Variants in PML observed in about 807,000 individuals in gnomAD.
PML encodes PML nuclear body scaffold, also known as protein PML.
Under a neutral mutation model 65.2 loss-of-function variants are expected in PML, and 28 were observed. The observed-to-expected ratio is 0.43, with a 90% CI of 0.32 to 0.59. PML has a LOEUF of 0.59. Ranked by LOEUF, PML falls within the 20% of genes least tolerant of loss-of-function variation. The probability of loss-of-function intolerance (pLI) is 0.08; values close to 1 mark genes in which losing one functional copy is unlikely to be tolerated. For synonymous variants in PML, 500 were observed against 508.8 expected (o/e 0.98, Z 0.23); for missense variants, 1,021 against 1,203.4 (o/e 0.85, Z 2.24).
chr15:74,039,521 T>G (rs1057243649), intron 7 of PML, among the ~76,000 whole-genome samples: 1 of 152,234 alleles, frequency 6.6e-6, no homozygotes, highest in Non-Finnish European at 1.5e-5. Flanking sequence ...GGCTGGATGC[T>G]GACTATCAGA....
chr15:74,002,130 T>C (rs568093143), intron 2 of PML, among the ~76,000 whole-genome samples: 260 of 152,290 alleles, frequency 1.7e-3, no homozygotes, highest in Non-Finnish European at 2.8e-3. Flanking sequence ...GATGGTGCGA[T>C]TTCATACTTG....
intron 2 of PML, among the ~76,000 whole-genome samples, chr15:74,016,774 T>C (rs951726308): frequency 1.4e-5 from 2 of 146,468 alleles, no homozygotes; most frequent in Admixed American, 6.8e-5. Context: ...CAGTTTTGAA[T>C]TTTTTAGGCA....
chr15:74,043,792 G>A lies in PML; in HGVS notation c.1862-429G>A. Reference sequence around the variant, plus strand: ...GGCTCTTGGCCTTGCTCTGAGTGGAGTGCTTTCTATGTCCCAGGGCTCTGA... The same window carrying A: ...GGCTCTTGGCCTTGCTCTGAGTGGAATGCTTTCTATGTCCCAGGGCTCTGA... On this transcript the variant is annotated intron_variant, in intron 8 of 8. Coordinates refer to ENST00000268058, the MANE Select transcript of PML (RefSeq NM_033238.3). The surrounding 1 kb of genome is among the most constrained non-coding windows in gnomAD (Gnocchi z 4.3). 1 of 534,356 alleles carries A rather than the reference G, an allele frequency of 1.9e-6. No individual in the cohort carries two copies. Among genetic ancestry groups the A allele is most frequent in the Non-Finnish European group, 3.7e-6 (1 of 270,768 alleles). The allele number at this position is 534,356 out of a possible 1,614,324, so 33.1% of individuals were successfully genotyped here. A position where few individuals can be genotyped will look rare whatever the true frequency, so the allele number is the denominator to read the frequency against.
chr15:74,034,898 G>A, intron 7 of PML: 1 of 1,439,300 alleles, frequency 6.9e-7, no homozygotes, highest in South Asian at 1.5e-5. Context: ...TACAGCCAGT[G>A]GGGGCCAGTG....
At chr15:74,038,013 C>T (rs999098099) in intron 7 of PML, among the ~76,000 whole-genome samples, 5 of 152,152 alleles carry the variant, frequency 3.3e-5, no homozygotes, top group African/African-American at 1.2e-4. Context: ...ACTCTCTGCC[C>T]GGTTGCACAA....
Position 74,037,161 on chromosome 15 carries a change from T to C in PML, c.1710+2631T>C. 4 of 985,458 alleles carry C rather than the reference T, an allele frequency of 4.1e-6. No homozygotes were observed. Among genetic ancestry groups the C allele is most frequent in the Non-Finnish European group, 4.8e-6 (4 of 829,932 alleles). The allele number at this position is 985,458 out of a possible 1,614,324, so 61.0% of individuals were successfully genotyped here. A position where few individuals can be genotyped will look rare whatever the true frequency, so the allele number is the denominator to read the frequency against. ...CTCCGCCCAGCATGTCCTTTTGCTC[T>C]GCAGGGCAGCCCCCGCCTGCCTTTC... is the stretch of plus-strand genomic sequence containing the variant. On this transcript the variant is annotated intron_variant, in intron 7 of 8. Coordinates refer to ENST00000268058, the MANE Select transcript of PML (RefSeq NM_033238.3). The surrounding 1 kb of genome is among the most constrained non-coding windows in gnomAD (Gnocchi z 4.2).
Position 74,033,295 on chromosome 15 carries a change from C to G in PML, c.1538C>G (p.Thr513Ser). The G allele has an allele frequency of 6.2e-7, 1 of 1,614,228 alleles. No homozygotes were observed. Among genetic ancestry groups the G allele is most frequent in the South Asian group, 1.1e-5 (1 of 91,092 alleles). Residue 513 changes from threonine (T) to serine (S), a missense_variant, in exon 6 of 9, where the codon ACC becomes AGC. Transcript: ENST00000268058. ...TCCCCGGAGCAGCCCAGGCCCAGCACCTCCAAGGCAGTCTCACCACCCCAC... is the reference window on the plus strand; with the variant it reads ...TCCCCGGAGCAGCCCAGGCCCAGCAGCTCCAAGGCAGTCTCACCACCCCAC... ...RSSPEQPRPS[T>S]SKAVSPPHLD...
rs1472546495 is a variant in PML at position 74,035,184 on chromosome 15, A to G, written c.1710+654A>G. ...CTGTATTGGAAAGTGCATGGAGCCC[A>G]TGGAGACCGCCGAGCCACAGTCCTC... On this transcript the variant is annotated intron_variant, in intron 7 of 8. Coordinates refer to ENST00000268058, the MANE Select transcript of PML (RefSeq NM_033238.3). This position sits in a 1 kb window ranked among gnomAD's most constrained non-coding sequence, Gnocchi z 4.1. The G allele has an allele frequency of 1.5e-6, 2 of 1,352,470 alleles. No homozygotes were observed. The highest frequency in any genetic ancestry group is 2.3e-5 in the East Asian group (1 of 43,584). The allele number at this position is 1,352,470 out of a possible 1,614,324, so 83.8% of individuals were successfully genotyped here.
At chr15:74,012,299 C>A (rs2070371002) in intron 2 of PML, among the ~76,000 whole-genome samples, 1 of 152,176 alleles carries the variant, frequency 6.6e-6, no homozygotes, top group Admixed American at 6.5e-5. Context: ...CCTCAGCATC[C>A]CGAGTAGCTG....
At position 74,032,562 on chromosome 15, in the gene PML, A is replaced by G; in HGVS notation, c.1255-10A>G. The G allele has an allele frequency of 3.1e-6, 5 of 1,613,940 alleles. No homozygotes were observed. The highest frequency in any genetic ancestry group is 4.2e-6 in the Non-Finnish European group (5 of 1,179,934). On this transcript the variant is annotated splice_polypyrimidine_tract_variant and intron_variant, in intron 4 of 8. Coordinates refer to ENST00000268058, the MANE Select transcript of PML (RefSeq NM_033238.3). Reference sequence around the variant, plus strand: ...TAGTCATTTCTGACTCAATTTTCCCAACTTTGCAGCCCGAGGAGGCAGAGA... The same window carrying G: ...TAGTCATTTCTGACTCAATTTTCCCGACTTTGCAGCCCGAGGAGGCAGAGA...
rs1014389886 is a variant in PML, at chr15:74,043,584, C to G, written c.1861+445C>G. ...ATCCAAGGTCACAGAGGGATCAGAC[C>G]CCTTATCCTGGAAGCCCCTCTACTT... is the stretch of plus-strand genomic sequence containing the variant. On this transcript the variant is annotated intron_variant, in intron 8 of 8. Coordinates refer to ENST00000268058, the MANE Select transcript of PML (RefSeq NM_033238.3). This position sits in a 1 kb window ranked among gnomAD's most constrained non-coding sequence, Gnocchi z 4.3. Among the ~76,000 whole-genome samples, 2 of 152,232 alleles carry G rather than the reference C, an allele frequency of 1.3e-5. No homozygotes were observed. The highest frequency in any genetic ancestry group is 1.3e-4 in the Admixed American group (2 of 15,282).
rs751842032 is a variant in PML, at chr15:74,044,427, G to A, written c.2068G>A (p.Ala690Thr). The A allele has an allele frequency of 2.9e-5, 47 of 1,614,072 alleles. No homozygotes were observed. Among genetic ancestry groups the A allele is most frequent in the Non-Finnish European group, 5.9e-6 (7 of 1,180,040 alleles). Residue 690 changes from alanine (A) to threonine (T), a missense_variant, in exon 9 of 9, where the codon GCC becomes ACC. Ala to Thr is a moderately conservative substitution (Grantham distance 58). Coordinates refer to ENST00000268058, the MANE Select transcript of PML (RefSeq NM_033238.3). ...GCCTGGCCTCCCAAACTTCTTCCGGGCCCTGGAGGACATTAACAGGCTGTG... is the reference window on the plus strand; with the variant it reads ...GCCTGGCCTCCCAAACTTCTTCCGGACCCTGGAGGACATTAACAGGCTGTG... ...WGPGLPNFFR[A>T]LEDINRLWEF... is the part of the protein sequence containing the mutation.
chr15:74,013,655 A>G (rs2141790651), intron 2 of PML, among the ~76,000 whole-genome samples: 1 of 152,312 alleles, frequency 6.6e-6, no homozygotes, highest in South Asian at 2.1e-4. Flanking sequence ...TTCTCACCAT[A>G]TGTTACTCAA....
chr15:74,037,087 CT>C lies in PML; in HGVS notation c.1710+2558del, dbSNP rs1409284917. On this transcript the variant is annotated intron_variant, in intron 7 of 8. Coordinates refer to ENST00000268058, the MANE Select transcript of PML (RefSeq NM_033238.3). This position sits in a 1 kb window ranked among gnomAD's most constrained non-coding sequence, Gnocchi z 4.2. ...AGACCGAGATCTGCAGGAGAAAGGCCTGGGAAAACTATGAGTGGTTGCCTGT... is the reference window on the plus strand; with the variant it reads ...AGACCGAGATCTGCAGGAGAAAGGCCGGGAAAACTATGAGTGGTTGCCTGT... 2 of 985,328 alleles carry C rather than the reference CT, an allele frequency of 2.0e-6. No individual in the cohort carries two copies. The highest frequency in any genetic ancestry group is 3.5e-5 in the African/African-American group (2 of 57,244). 61.0% of individuals were successfully genotyped at this position (985,328 alleles called of 1,614,324 possible).
At position 74,044,968 on chromosome 15, in the gene PML, C is replaced by T; in HGVS notation, c.2609C>T (p.Ala870Val). 6.2e-7 allele frequency: 1 copy of T among 1,609,762 alleles called. No individual in the cohort carries two copies. The highest frequency in any genetic ancestry group is 8.5e-7 in the Non-Finnish European group (1 of 1,178,656). Residue 870 changes from alanine to valine, a missense_variant, in exon 9 of 9, where the codon GCT (alanine) becomes GTT (valine). Coordinates refer to ENST00000268058, the MANE Select transcript of PML (RefSeq NM_033238.3). ...GCAGAAGGAGTCTCCACCCCACTTG[C>T]TGGCCGTGGCTTGGCAGAGAGGGCC... is the stretch of plus-strand genomic sequence containing the variant. The part of the protein sequence containing the change: ...ARAEGVSTPL[A>V]GRGLAERASQ...
intron 2 of PML, among the ~76,000 whole-genome samples, chr15:74,007,883 C>T (rs537374206): frequency 3.3e-5 from 5 of 152,314 alleles, no homozygotes; most frequent in South Asian, 2.1e-4. Context: ...GGCAGGGTTC[C>T]GTGCAGAAGG....
intron 2 of PML, 74 bp from the exon 3 acceptor site, chr15:74,022,754 G>A (rs1567129257): frequency 2.5e-6 from 3 of 1,187,372 alleles, no homozygotes; most frequent in Non-Finnish European, 3.7e-6. Context: ...TTTGGAAGAG[G>A]AATTTAATAA....
rs772168119 is a variant in PML, at chr15:74,043,238, T to C, written c.1861+99T>C. 1.1e-4 allele frequency: 178 copies of C among 1,606,226 alleles called. No homozygotes were observed. The highest frequency in any genetic ancestry group is 2.6e-5 in the Non-Finnish European group (30 of 1,176,344). ...CCATCTGCCAGGCCCAGGAGAGCTCTGAGCTCTGGCCAACAACTGCAGCCA... is the reference window on the plus strand; with the variant it reads ...CCATCTGCCAGGCCCAGGAGAGCTCCGAGCTCTGGCCAACAACTGCAGCCA... On this transcript the variant is annotated intron_variant, in intron 8 of 8. Coordinates refer to ENST00000268058, the MANE Select transcript of PML (RefSeq NM_033238.3). The surrounding 1 kb of genome is among the most constrained non-coding windows in gnomAD (Gnocchi z 4.3).
At chr15:74,038,231 G>A (rs2071616318) in intron 7 of PML, among the ~76,000 whole-genome samples, 1 of 152,204 alleles carries the variant, frequency 6.6e-6, no homozygotes, top group African/African-American at 2.4e-5. Flanking sequence ...GGTTTGGAGT[G>A]CCAACAGTGT....
Sources: allele counts gnomAD v4.1 joint callset (sites outside exome capture counted in the v4.1 genomes callset), GRCh38; gene constraint gnomAD v4.1.1; non-coding constraint Gnocchi (gnomAD v3.1); transcripts MANE v1.5; gene names NCBI Gene and HGNC (gene_info 2026-07-23, HGNC 2026-07-21).